ERI1: variants seen among roughly 807,000 people sequenced by gnomAD.
ERI1 encodes 3'-5' exoribonuclease 1.
A neutral mutation model predicts 39.7 loss-of-function variants in ERI1; 39 were observed. The ratio of observed to expected loss-of-function variants is 0.98; its 90% CI spans 0.76 to 1.28. The LOEUF (loss-of-function observed/expected upper bound fraction) is 1.28, where lower values mean the gene tolerates loss of function less well. Among genes scored for constraint, ERI1 ranks in the 50% most tolerant of loss-of-function variants. The pLI is 0.00. For missense variants in ERI1, 581 were observed against 416.9 expected, an observed-to-expected ratio of 1.39 and a Z score of -3.43; for synonymous variants, 204 against 149.6, an observed-to-expected ratio of 1.36 and a Z score of -2.65.
chr8:9,036,351 C>T (rs777093285), downstream of ERI1, among the ~76,000 whole-genome samples: 9 of 152,226 alleles, frequency 5.9e-5, no homozygotes, highest in African/African-American at 2.2e-4. Context: ...CCACTCCAAT[C>T]TTCATCACCT....
At chr8:9,045,309 T>C (rs1467147359) in intron 3 of ERI1, among the ~76,000 whole-genome samples, 1 of 151,540 alleles carries the variant, frequency 6.6e-6, no homozygotes, top group Non-Finnish European at 1.5e-5. Context: ...TCCACTAGAC[T>C]GGTTCTACAG....
rs764465639 is a variant in ERI1, at chr8:9,016,327, C to T, written c.504C>T (p.Asp168=). Residue 168 remains aspartate (D), a synonymous_variant, in exon 4 of 7, where the codon GAC becomes GAT. Transcript: ENST00000250263. The stretch of plus-strand genomic sequence containing the variant: ...TTGCTATCCTTCCCTTGCAGGAAGA[C>T]ACGTTTCAGCAGTATGTAAGACCAG... The part of the protein sequence containing the change: ...LLNTHTLEIE[D]TFQQYVRPEI... 25 of 1,593,514 alleles carry T rather than the reference C, an allele frequency of 1.6e-5. No homozygotes were observed. The highest frequency in any genetic ancestry group is 2.0e-5 in the Non-Finnish European group (23 of 1,169,784).
intron 2 of ERI1, among the ~76,000 whole-genome samples, chr8:9,011,304 T>C (rs1816642002): frequency 6.6e-6 from 1 of 152,198 alleles, no homozygotes; most frequent in Non-Finnish European, 1.5e-5. Flanking sequence ...TACTGTTATA[T>C]ACTACTAAAA....
At chr8:9,086,058 G>A (rs191966301) in intron 3 of ERI1, among the ~76,000 whole-genome samples, 43 of 152,174 alleles carry the variant, frequency 2.8e-4, no homozygotes, top group African/African-American at 8.7e-4. Flanking sequence ...AATAACTCCC[G>A]TCCTCTTTCA....
At chr8:9,081,475 T>G (rs1799362773) in intron 3 of ERI1, among the ~76,000 whole-genome samples, 1 of 152,188 alleles carries the variant, frequency 6.6e-6, no homozygotes, top group Non-Finnish European at 1.5e-5. Context: ...TTTTTTAAAG[T>G]GGATGCTGGA....
chr8:9,055,431 G>C (rs577011577), intron 3 of ERI1, among the ~76,000 whole-genome samples: 1 of 152,206 alleles, frequency 6.6e-6, no homozygotes, highest in Non-Finnish European at 1.5e-5. Flanking sequence ...AGCCAGGCTT[G>C]CCTGTTCAGA....
chr8:9,057,683 A>C (rs1369066715), intron 3 of ERI1, among the ~76,000 whole-genome samples: 1 of 142,422 alleles, frequency 7.0e-6, no homozygotes, highest in Admixed American at 7.7e-5. Flanking sequence ...AAACATCCTT[A>C]AGTCTGTTGT....
intron 3 of ERI1, among the ~76,000 whole-genome samples, chr8:9,052,465 C>T (rs915758207): frequency 6.6e-6 from 1 of 152,168 alleles, no homozygotes; most frequent in South Asian, 2.1e-4. Context: ...CACTGAGTCT[C>T]TGGGATTCTG....
Position 9,016,305 on chromosome 8 carries a change from C to G in ERI1, c.499-17C>G. ...AACTCATATAAATTACTTTAACTTG[C>G]TATCCTTCCCTTGCAGGAAGACACG... On this transcript the variant is annotated splice_polypyrimidine_tract_variant and intron_variant, in intron 3 of 6. Coordinates refer to ENST00000250263, the MANE Select transcript of ERI1 (RefSeq NM_153332.4). 2 of 1,543,256 alleles carry G rather than the reference C, an allele frequency of 1.3e-6. No homozygotes were observed. The highest frequency in any genetic ancestry group is 1.8e-6 in the Non-Finnish European group (2 of 1,128,850).
chr8:9,009,021 C>G, intron 2 of ERI1: 2 of 456,218 alleles, frequency 4.4e-6, no homozygotes, highest in Non-Finnish European at 8.8e-6. Context: ...CCGATTCTTT[C>G]TGTTATGAAG....
downstream of ERI1, among the ~76,000 whole-genome samples, chr8:9,036,502 T>C (rs965906361): frequency 5.9e-5 from 9 of 152,252 alleles, no homozygotes; most frequent in African/African-American, 2.2e-4. Flanking sequence ...TTTTTAGACA[T>C]AATGCTTTTG....
chr8:9,087,215 T>C (rs1348200335), intron 3 of ERI1, among the ~76,000 whole-genome samples: 1 of 151,204 alleles, frequency 6.6e-6, no homozygotes, highest in East Asian at 1.9e-4. Context: ...CCCACCTTCA[T>C]CTTATTTTTA....
Position 9,030,264 on chromosome 8 carries a change from G to C in ERI1, c.*230G>C, listed in dbSNP as rs1797495329. ...GAACAGTATTCGTTACATAGTAACA[G>C]TTCCTGCTTACAACTGAATTTTATA... On this transcript the variant is annotated 3_prime_UTR_variant, in exon 7 of 7. Transcript: ENST00000250263. 1 of 529,412 alleles carries C rather than the reference G, an allele frequency of 1.9e-6. No individual in the cohort carries two copies. Among genetic ancestry groups the C allele is most frequent in the Non-Finnish European group, 3.3e-6 (1 of 302,118 alleles). 32.8% of individuals were successfully genotyped at this position (529,412 alleles called of 1,614,324 possible).
rs1446048295 is a variant in ERI1, at chr8:9,070,488, A to G, written n.300-45860A>G. Among the ~76,000 whole-genome samples the G allele has an allele frequency of 6.6e-5, 10 of 152,258 alleles. No homozygotes were observed. The East Asian group carries it at 1.9e-3, about 29-fold the overall frequency. On this transcript the variant is annotated intron_variant and non_coding_transcript_variant, in intron 3 of 3. Coordinates refer to the ERI1 transcript ENST00000518663. ...GGGCAACAGAATAAGACCTTGTCTC[A>G]AGAAAAACAAAAAGGACTCTAAAGA...
chr8:9,019,520 C>G (rs563062057), intron 5 of ERI1, among the ~76,000 whole-genome samples: 1 of 152,204 alleles, frequency 6.6e-6, no homozygotes, highest in African/African-American at 2.4e-5. Flanking sequence ...GGACAGATCA[C>G]TCAAAACCTA....
intron 3 of ERI1, among the ~76,000 whole-genome samples, chr8:9,053,894 C>A (rs761065103): frequency 6.6e-5 from 10 of 152,206 alleles, no homozygotes; most frequent in African/African-American, 1.9e-4. Flanking sequence ...TCATTGATAA[C>A]AGAGTATAGT....
At chr8:9,081,895 T>C (rs1251407912) in intron 3 of ERI1, among the ~76,000 whole-genome samples, 1 of 152,194 alleles carries the variant, frequency 6.6e-6, no homozygotes, top group Non-Finnish European at 1.5e-5. Context: ...TCTAGACTTC[T>C]CATTAGCCTG....
intron 3 of ERI1, among the ~76,000 whole-genome samples, chr8:9,092,388 C>T (rs1268067399): frequency 6.6e-6 from 1 of 152,164 alleles, no homozygotes; most frequent in Non-Finnish European, 1.5e-5. Flanking sequence ...CACCATTGCA[C>T]ACATGGCCTG....
intron 3 of ERI1, among the ~76,000 whole-genome samples, chr8:9,085,793 G>T (rs763365776): frequency 4.6e-5 from 7 of 152,114 alleles, no homozygotes; most frequent in South Asian, 4.1e-4. Flanking sequence ...AAGTATAGCT[G>T]TTGGGATTGG....
Sources: gnomAD v4.1 joint callset for allele counts (sites outside exome capture counted in the v4.1 genomes callset) on GRCh38, gnomAD v4.1.1 for gene constraint, MANE v1.5 for transcripts, NCBI Gene and HGNC (gene_info 2026-07-23, HGNC 2026-07-21) for gene names.